UBE3D: variants seen among roughly 807,000 people sequenced by gnomAD.
The protein encoded by UBE3D is E3 ubiquitin-protein ligase E3D.
Under a neutral mutation model 49.6 loss-of-function variants are expected in UBE3D, and 48 were observed. That is an observed-to-expected ratio of 0.97 (90% confidence interval 0.77 to 1.23). The LOEUF (loss-of-function observed/expected upper bound fraction) is 1.23. UBE3D is among the 50% of genes most tolerant of loss of function. The probability of loss-of-function intolerance (pLI) is 0.00; values close to 1 mark genes in which losing one functional copy is unlikely to be tolerated. For missense variants in UBE3D, 452 were observed against 468.4 expected, an observed-to-expected ratio of 0.96 and a Z score of 0.32; for synonymous variants, 189 against 174.2, an observed-to-expected ratio of 1.08 and a Z score of -0.67.
chr6:83,024,883 T>C (rs1207663447), intron 5 of UBE3D, among the ~76,000 whole-genome samples: 1 of 152,164 alleles, frequency 6.6e-6, no homozygotes, highest in East Asian at 1.9e-4. Flanking sequence ...AGGGCATCTG[T>C]CCTCTCCTTC....
chr6:82,980,794 G>C (rs1236675254), intron 8 of UBE3D, among the ~76,000 whole-genome samples: 4 of 151,966 alleles, frequency 2.6e-5, no homozygotes, highest in Non-Finnish European at 5.9e-5. Context: ...AATTTTCCCA[G>C]CACCATTTAT....
At position 82,975,340 on chromosome 6, in the gene UBE3D, TAAAG is replaced by T. The variant is rs1314778046; in HGVS notation, c.1011-17894_1011-17891del. 3.9e-5 allele frequency among the ~76,000 whole-genome samples: 6 copies of T among 152,242 alleles called. No individual in the cohort carries two copies. In the East Asian group the frequency reaches 1.2e-3, roughly 29 times the overall value. On this transcript the variant is annotated intron_variant, in intron 8 of 9. Transcript: ENST00000369747. The stretch of plus-strand genomic sequence containing the variant: ...AATATTTTGATAAGTTTTAAAAAAA[TAAAG>T]AACGGCACGTATAACTTCACTTAGC...
intron 9 of UBE3D, among the ~76,000 whole-genome samples, chr6:82,942,030 G>A (rs1179691493): frequency 1.3e-5 from 2 of 152,198 alleles, no homozygotes; most frequent in African/African-American, 2.4e-5. Context: ...ACGGGCAGAG[G>A]TTGGAACAGT....
rs563652565 is a variant in UBE3D, at chr6:82,945,285, G to A, written c.1149+12027C>T. 4.6e-5 allele frequency among the ~76,000 whole-genome samples: 7 copies of A among 152,288 alleles called. No individual in the cohort carries two copies. The East Asian group carries it at 5.8e-4, about 13-fold the overall frequency. On this transcript the variant is annotated intron_variant, in intron 9 of 9. Transcript: ENST00000369747. ...AGACAGATAGACAGACAGAAAGGGA[G>A]AGAGAAAAAGAGGGAGAAAGAGAGA... is the stretch of plus-strand genomic sequence containing the variant.
At chr6:82,991,133 A>G (rs1055887244) in intron 8 of UBE3D, among the ~76,000 whole-genome samples, 5 of 152,168 alleles carry the variant, frequency 3.3e-5, no homozygotes, top group South Asian at 2.1e-4. Flanking sequence ...TTCTCACAGA[A>G]GGAGTGCTCA....
At chr6:83,019,159 CAAGTAT>C in intron 7 of UBE3D, 23 bp from the exon 8 acceptor site, 1 of 1,597,848 alleles carries the variant, frequency 6.3e-7, no homozygotes, top group Non-Finnish European at 8.5e-7. Context: ...AGAGAAAGTC[CAAGTAT>C]AAGAATATTG....
At chr6:82,915,524 G>A (rs1772853742) in intron 9 of UBE3D, among the ~76,000 whole-genome samples, 1 of 152,186 alleles carries the variant, frequency 6.6e-6, no homozygotes, top group Admixed American at 6.5e-5. Flanking sequence ...AGCTTCACCT[G>A]CCTCACTGAA....
chr6:83,038,083 A>C (rs1782396830), intron 5 of UBE3D: 1 of 164,428 alleles, frequency 6.1e-6, no homozygotes, highest in Non-Finnish European at 1.3e-5. Flanking sequence ...AAGAAGAAAG[A>C]AGGAAACAAA....
chr6:82,965,921 AT>A (rs1336912523), intron 8 of UBE3D, among the ~76,000 whole-genome samples: 1 of 152,220 alleles, frequency 6.6e-6, no homozygotes, highest in African/African-American at 2.4e-5. Context: ...CATATCATTC[AT>A]TTCATGAGGA....
At chr6:82,968,600 T>C (rs1318007164) in intron 8 of UBE3D, among the ~76,000 whole-genome samples, 1 of 152,186 alleles carries the variant, frequency 6.6e-6, no homozygotes, top group East Asian at 1.9e-4. Context: ...GAGGTGTATA[T>C]GCATTTTTTA....
At chr6:82,932,941 G>A (rs1774276529) in intron 9 of UBE3D, among the ~76,000 whole-genome samples, 1 of 152,150 alleles carries the variant, frequency 6.6e-6, no homozygotes, top group African/African-American at 2.4e-5. Flanking sequence ...GAGAAAAGCA[G>A]GGCTCTAGTT....
At chr6:83,023,157 T>C (rs1174467983) in intron 6 of UBE3D, among the ~76,000 whole-genome samples, 1 of 152,218 alleles carries the variant, frequency 6.6e-6, no homozygotes, top group African/African-American at 2.4e-5. Context: ...ATTTAGTGAC[T>C]AAGTACCATG....
At chr6:83,054,060 C>T (rs1390871290) in intron 3 of UBE3D, 88 bp downstream of exon 3, 1 of 1,117,504 alleles carries the variant, frequency 8.9e-7, no homozygotes, top group Non-Finnish European at 1.4e-6. Flanking sequence ...ATATACTACT[C>T]CATTGGCAAT....
intron 8 of UBE3D, among the ~76,000 whole-genome samples, chr6:83,012,133 G>A (rs1476656993): frequency 3.3e-5 from 5 of 152,136 alleles, no homozygotes; most frequent in African/African-American, 4.8e-5. Context: ...TGAGTGCCTT[G>A]GTCAGAGGCA....
intron 1 of UBE3D, among the ~76,000 whole-genome samples, chr6:83,064,855 G>C (rs963742170): frequency 2.0e-5 from 3 of 152,114 alleles, no homozygotes; most frequent in African/African-American, 7.2e-5. Flanking sequence ...CAGATTTAGG[G>C]AAGAGGAAAA....
At chr6:83,057,153 T>C (rs1447012484) in intron 2 of UBE3D, among the ~76,000 whole-genome samples, 1 of 152,178 alleles carries the variant, frequency 6.6e-6, no homozygotes, top group African/African-American at 2.4e-5. Context: ...TTTTCTCTAT[T>C]TGGAACAGTC....
At chr6:82,917,580 G>A (rs1773016633) in intron 9 of UBE3D, among the ~76,000 whole-genome samples, 1 of 152,164 alleles carries the variant, frequency 6.6e-6, no homozygotes, top group Non-Finnish European at 1.5e-5. Context: ...GACCTCCCTG[G>A]GGTGATTGTA....
chr6:83,009,657 A>G (rs1021403606), intron 8 of UBE3D, among the ~76,000 whole-genome samples: 2 of 131,254 alleles, frequency 1.5e-5, no homozygotes, highest in African/African-American at 5.5e-5. Flanking sequence ...ATGACATAAG[A>G]GAAAATTTTG....
Position 83,059,854 on chromosome 6 carries a change from G to A in UBE3D, c.78-1832C>T, listed in dbSNP as rs558648316. ...GGCTGTGGAGGGCATCCACCAGGAGGACCACTCAGCAGGGGTGTCAAATCC... is the reference window on the plus strand; with the variant it reads ...GGCTGTGGAGGGCATCCACCAGGAGAACCACTCAGCAGGGGTGTCAAATCC... On this transcript the variant is annotated intron_variant, in intron 1 of 9. Coordinates refer to ENST00000369747, the MANE Select transcript of UBE3D (RefSeq NM_198920.3). Among the ~76,000 whole-genome samples, 23 of 152,312 alleles carry A rather than the reference G, an allele frequency of 1.5e-4. No homozygotes were observed. The Middle Eastern group carries it at 0.014, about 90-fold the overall frequency.
Sources: allele counts gnomAD v4.1 joint callset (sites outside exome capture counted in the v4.1 genomes callset), GRCh38; gene constraint gnomAD v4.1.1; transcripts MANE v1.5; gene names NCBI Gene and HGNC (gene_info 2026-07-23, HGNC 2026-07-21).